The following KANK2 variants were observed in gnomAD, a reference collection of about 807,000 sequenced individuals.
KANK2 encodes the protein KN motif and ankyrin repeat domain-containing protein 2.
In KANK2, 41 loss-of-function variants were observed where a neutral mutation model predicts 74.6. The observed-to-expected ratio is 0.55, with a 90% CI of 0.43 to 0.71. The LOEUF (loss-of-function observed/expected upper bound fraction) is 0.71, where lower values mean the gene tolerates loss of function less well. Among genes scored for constraint, KANK2 ranks in the 30% least tolerant of loss-of-function variants. The pLI is 0.00. For synonymous variants in KANK2, 537 were observed against 519.0 expected (o/e 1.03, Z -0.47); for missense variants, 1,148 against 1,196.4 (o/e 0.96, Z 0.60).
intron 4 of KANK2, among the ~76,000 whole-genome samples, chr19:11,184,430 G>A (rs2078618941): frequency 6.7e-6 from 1 of 150,060 alleles, no homozygotes; most frequent in South Asian, 2.1e-4. Flanking sequence ...TGGGTGCGGT[G>A]GGGGAGTGCC....
intron 9 of KANK2, among the ~76,000 whole-genome samples, chr19:11,173,439 A>G (rs182598073): frequency 7.9e-5 from 12 of 152,218 alleles, no homozygotes; most frequent in Non-Finnish European, 1.5e-4. Flanking sequence ...CTCCCCCATC[A>G]GATTGTGGGC....
intron 2 of KANK2, chr19:11,194,863 T>G: frequency 4.8e-6 from 1 of 207,852 alleles, no homozygotes; most frequent in Non-Finnish European, 1.0e-5. Context: ...AGCCTCCACA[T>G]AGCCCTGGGG....
chr19:11,178,799 G>A (rs539185409), intron 4 of KANK2, 79 bp from the exon 5 acceptor site: 71 of 1,337,178 alleles, frequency 5.3e-5, no homozygotes, highest in African/African-American at 7.7e-5. Context: ...TACACCCTGG[G>A]CCAGGAGCTG....
At chr19:11,195,226 A>T (rs2078983182) in intron 2 of KANK2, 1 of 152,118 alleles carries the variant, frequency 6.6e-6, no homozygotes, top group Admixed American at 6.6e-5. Flanking sequence ...GGCTACACAG[A>T]ACTTCCTGCC....
At position 11,170,945 on chromosome 19, in the gene KANK2, C is replaced by G. The variant is rs1169498801; in HGVS notation, c.2212-697G>C. On this transcript the variant is annotated intron_variant, in intron 10 of 12. Coordinates refer to ENST00000586659, the MANE Select transcript of KANK2 (RefSeq NM_001136191.3). This position sits in a 1 kb window ranked among gnomAD's most constrained non-coding sequence, Gnocchi z 5.2. Reference sequence around the variant, plus strand: ...CAAGCAACTCTCCTGCCTCAGCCTCCTGAGTAGCTGAGATTACAGGCGTGT... The same window carrying G: ...CAAGCAACTCTCCTGCCTCAGCCTCGTGAGTAGCTGAGATTACAGGCGTGT... Among the ~76,000 whole-genome samples the G allele has an allele frequency of 6.6e-6, 1 of 152,234 alleles. No individual in the cohort carries two copies. Among genetic ancestry groups the G allele is most frequent in the East Asian group, 1.9e-4 (1 of 5,200 alleles).
At chr19:11,191,792 T>C (rs1416384992) in intron 4 of KANK2, among the ~76,000 whole-genome samples, 1 of 152,176 alleles carries the variant, frequency 6.6e-6, no homozygotes, top group African/African-American at 2.4e-5. Context: ...GCGTGGTGGC[T>C]CATGCTTGTA....
chr19:11,192,769 A>C, intron 4 of KANK2, 62 bp downstream of exon 4: 6 of 1,562,640 alleles, frequency 3.8e-6, no homozygotes, highest in East Asian at 2.3e-5. Context: ...AGGATGAGCC[A>C]TGGGAAGAAA....
At chr19:11,194,113 G>A in intron 3 of KANK2, 71 bp from the exon 4 acceptor site, 1 of 1,472,012 alleles carries the variant, frequency 6.8e-7, no homozygotes, top group East Asian at 2.3e-5. Context: ...ACTGATGCCT[G>A]GGGAGAGTTG....
chr19:11,182,840 CAAAAA>C (rs36229477), intron 4 of KANK2, among the ~76,000 whole-genome samples: 2 of 62,958 alleles, frequency 3.2e-5, no homozygotes, highest in African/African-American at 1.1e-4. Flanking sequence ...CAGACTGCCT[CAAAAA>C]AAAAAAAAAA....
chr19:11,165,818 T>C lies in KANK2; in HGVS notation c.*740A>G, dbSNP rs2078011563. On this transcript the variant is annotated 3_prime_UTR_variant, in exon 13 of 13. Coordinates refer to ENST00000586659, the MANE Select transcript of KANK2 (RefSeq NM_001136191.3). ...AAGCTCTTGCCTTGCCCTCCCAAAG[T>C]GCTGGGATTACAGACGTGAGTCACC... The C allele has an allele frequency of 1.3e-5, 2 of 152,126 alleles. No individual in the cohort carries two copies. Among genetic ancestry groups the C allele is most frequent in the Non-Finnish European group, 2.9e-5 (2 of 68,094 alleles). The allele number at this position is 152,126 out of a possible 1,614,324, so 9.4% of individuals were successfully genotyped here.
chr19:11,180,379 G>A lies in KANK2; in HGVS notation c.1250-1659C>T, dbSNP rs148457539. On this transcript the variant is annotated intron_variant, in intron 4 of 12. Transcript: ENST00000586659. ...CGCATAGCTGGGATTATAGGCATGA[G>A]CCACTATGCCCAGCCTTAAATTTTT... is the stretch of plus-strand genomic sequence containing the variant. Among the ~76,000 whole-genome samples the A allele has an allele frequency of 2.8e-3, 425 of 152,182 alleles. 10 individuals carry two copies. The highest frequency in any genetic ancestry group is 0.024 in the Admixed American group (372 of 15,276).
chr19:11,194,560 C>T lies in KANK2; in HGVS notation c.-49G>A, dbSNP rs1291450224. 7.3e-6 allele frequency: 11 copies of T among 1,501,548 alleles called. No individual in the cohort carries two copies. In the South Asian group the frequency reaches 1.2e-4, roughly 17 times the overall value. 93.0% of individuals were successfully genotyped at this position (1,501,548 alleles called of 1,614,324 possible). ...GGAAGTCACTTGAGGGACTGCGAGT[C>T]AGACTGCCTGCAGCACCGGCTGAGG... On this transcript the variant is annotated 5_prime_UTR_variant, in exon 3 of 13. Transcript: ENST00000586659.
At chr19:11,176,847 T>C in intron 6 of KANK2, 30 bp from the exon 7 acceptor site, 9 of 1,487,052 alleles carry the variant, frequency 6.1e-6, no homozygotes, top group South Asian at 1.4e-5. Flanking sequence ...GAGGGGGAGA[T>C]GCTGCAGGTG....
chr19:11,172,054 C>A (rs1480646452), intron 10 of KANK2, among the ~76,000 whole-genome samples: 1 of 150,356 alleles, frequency 6.7e-6, no homozygotes, highest in Non-Finnish European at 1.5e-5. Flanking sequence ...CAGCTCACTG[C>A]AACTTCCACC....
rs1273594812 is a variant in KANK2 at position 11,165,487 on chromosome 19, T to G, written c.*1071A>C. 6.6e-6 allele frequency: 1 copy of G among 152,196 alleles called. No homozygotes were observed. Among genetic ancestry groups the G allele is most frequent in the African/African-American group, 2.4e-5 (1 of 41,438 alleles). 9.4% of individuals were successfully genotyped at this position (152,196 alleles called of 1,614,324 possible). On this transcript the variant is annotated 3_prime_UTR_variant, in exon 13 of 13. Transcript: ENST00000586659. The stretch of plus-strand genomic sequence containing the variant: ...GAGAGCCAGATTCTTTTCCTGCGTC[T>G]TCAGGTCTGAAGGATTTTCTAGGAA...
rs539152297 is a variant in KANK2 at position 11,178,426 on chromosome 19, C to T, written c.1439G>A (p.Arg480Gln). 1.0e-5 allele frequency: 16 copies of T among 1,595,054 alleles called. No homozygotes were observed. The highest frequency in any genetic ancestry group is 2.3e-5 in the East Asian group (1 of 43,424). The change falls in exon 6 of 13, where the codon CGA (arginine) becomes CAA (glutamine). Residue 480 changes from arginine to glutamine, a missense_variant. Transcript: ENST00000586659. ...GGTGGPPAGV[R>Q]SIMKRKEEVA... ...CTCCTCTTTCCGTTTCATGATAGAT[C>T]GCACGCCTGCCGGGGGCCCGCCTGG...
At chr19:11,190,430 T>A (rs2078809287) in intron 4 of KANK2, among the ~76,000 whole-genome samples, 1 of 152,154 alleles carries the variant, frequency 6.6e-6, no homozygotes, top group African/African-American at 2.4e-5. Flanking sequence ...GTTTGGATAC[T>A]GGCTCAGTTG....
At position 11,181,113 on chromosome 19, in the gene KANK2, A is replaced by AAAAAAAAAG. The variant is rs1347678650; in HGVS notation, c.1250-2394_1250-2393insCTTTTTTTT. ...CAAAAAAAAAAAAAAAAAAAAAAAA[A>AAAAAAAAAG]AAATTCTGGGAGAGCCAAAAAATGA... On this transcript the variant is annotated intron_variant, in intron 4 of 12. Transcript: ENST00000586659. Among the ~76,000 whole-genome samples the AAAAAAAAAG allele has an allele frequency of 1.4e-4, 14 of 98,338 alleles. 4 individuals are homozygous for AAAAAAAAAG. The highest frequency in any genetic ancestry group is 7.3e-4 in the South Asian group (2 of 2,758). 64.5% of individuals were successfully genotyped at this position (98,338 alleles called of 152,430 possible). A position where few individuals can be genotyped will look rare whatever the true frequency, so the allele number is the denominator to read the frequency against.
rs530453699 is a variant in KANK2, at chr19:11,182,195, C to T, written c.1250-3475G>A. On this transcript the variant is annotated intron_variant, in intron 4 of 12. Coordinates refer to ENST00000586659, the MANE Select transcript of KANK2 (RefSeq NM_001136191.3). ...CCTCCCAAAGTGCTGGGATTACAGG[C>T]TTAAGCCAACACGCCCGGCCAGATG... Among the ~76,000 whole-genome samples, 5 of 152,146 alleles carry T rather than the reference C, an allele frequency of 3.3e-5. No homozygotes were observed. In the South Asian group the frequency reaches 1.0e-3, roughly 32 times the overall value.
Sources: gnomAD v4.1 joint callset for allele counts (sites outside exome capture counted in the v4.1 genomes callset) on GRCh38, gnomAD v4.1.1 for gene constraint, Gnocchi (gnomAD v3.1) non-coding constraint, MANE v1.5 for transcripts, NCBI Gene and HGNC (gene_info 2026-07-23, HGNC 2026-07-21) for gene names.